The following FRMD6 variants were observed in gnomAD, a reference collection of about 807,000 sequenced individuals.
FRMD6 encodes FERM domain containing 6, also known as FERM domain-containing protein 6.
Under a neutral mutation model 73.2 loss-of-function variants are expected in FRMD6, and 37 were observed. The ratio of observed to expected loss-of-function variants is 0.51; its 90% confidence interval spans 0.39 to 0.66. The LOEUF (loss-of-function observed/expected upper bound fraction) is 0.66. Ranked by LOEUF, FRMD6 falls within the 30% of genes least tolerant of loss-of-function variation. FRMD6 has a pLI of 0.00. For missense variants in FRMD6, 714 were observed against 780.5 expected (o/e 0.91, Z 1.02); for synonymous variants, 273 against 282.2 (o/e 0.97, Z 0.33).
intron 2 of FRMD6, among the ~76,000 whole-genome samples, chr14:51,641,892 T>TCC (rs1264528191): frequency 6.6e-6 from 1 of 150,808 alleles, no homozygotes; most frequent in African/African-American, 2.4e-5. Context: ...CAAAAATACC[T>TCC]CCAGACATTG....
intron 1 of FRMD6, chr14:51,489,544 C>T (rs1478622006): frequency 6.6e-6 from 1 of 152,298 alleles, no homozygotes; most frequent in African/African-American, 2.4e-5. Flanking sequence ...TTTGATTTGT[C>T]TGCAAACCAG....
the FRMD6 span, among the ~76,000 whole-genome samples, chr14:51,422,217 A>G: frequency 6.6e-6 from 1 of 152,204 alleles, no homozygotes; most frequent in South Asian, 2.1e-4. Flanking sequence ...TCCGGTTGTT[A>G]TTTCACAAAA....
At chr14:51,651,468 C>A (rs1003906713), upstream of FRMD6, 7 of 152,280 alleles carry the variant, frequency 4.6e-5, no homozygotes, top group African/African-American at 1.4e-4. Flanking sequence ...GAGGGAGCGC[C>A]CCGAGGGAGT....
intron 2 of FRMD6, among the ~76,000 whole-genome samples, chr14:51,592,042 GA>G (rs1300495628): frequency 6.6e-6 from 1 of 152,040 alleles, no homozygotes; most frequent in Non-Finnish European, 1.5e-5. Flanking sequence ...TACTCCATAG[GA>G]AAAAAGTTAC....
At chr14:51,661,469 GT>G (rs1893216024) in intron 1 of FRMD6, among the ~76,000 whole-genome samples, 1 of 152,156 alleles carries the variant, frequency 6.6e-6, no homozygotes, top group Non-Finnish European at 1.5e-5. Flanking sequence ...ACTATGAGTT[GT>G]TTTTCTAATT....
At position 51,525,356 on chromosome 14, in the gene FRMD6, C is replaced by T. The variant is rs553463570; in HGVS notation, c.-210+35936C>T. Among the ~76,000 whole-genome samples the T allele has an allele frequency of 2.6e-5, 4 of 152,164 alleles. No individual in the cohort carries two copies. The South Asian group carries it at 8.3e-4, about 32-fold the overall frequency. On this transcript the variant is annotated intron_variant, in intron 1 of 14. Transcript: ENST00000356218. ...AGGTCTCTGCTCACTGCAACCTCCC[C>T]CTCCCGGGTTCAAGCGATTCCCCTG...
intron 2 of FRMD6, among the ~76,000 whole-genome samples, chr14:51,692,401 A>G (rs1258164052): frequency 2.0e-5 from 3 of 152,182 alleles, no homozygotes; most frequent in Non-Finnish European, 4.4e-5. Context: ...AAAAATATAC[A>G]TAATCTAGGA....
the FRMD6 span, among the ~76,000 whole-genome samples, chr14:51,434,685 G>T: frequency 6.6e-6 from 1 of 151,848 alleles, no homozygotes; most frequent in African/African-American, 2.4e-5. Flanking sequence ...ACCATCATTG[G>T]GCACTAAAAT....
upstream of FRMD6, among the ~76,000 whole-genome samples, chr14:51,484,827 T>C (rs760602956): frequency 1.1e-4 from 16 of 152,212 alleles, no homozygotes; most frequent in African/African-American, 2.9e-4. Context: ...CCAACTGCAA[T>C]GTCCATCACT....
At chr14:51,412,760 G>A in the FRMD6 span, among the ~76,000 whole-genome samples, 1 of 151,910 alleles carries the variant, frequency 6.6e-6, no homozygotes, top group African/African-American at 2.4e-5. Flanking sequence ...GCTGAGGCAG[G>A]AGAATGACAT....
chr14:51,706,160 C>G (rs1239581616), intron 6 of FRMD6, among the ~76,000 whole-genome samples: 1 of 152,232 alleles, frequency 6.6e-6, no homozygotes, highest in East Asian at 1.9e-4. Flanking sequence ...GTCCCATCAA[C>G]TGTAACACCT....
chr14:51,608,492 G>A (rs1402536108), intron 2 of FRMD6, among the ~76,000 whole-genome samples: 1 of 151,978 alleles, frequency 6.6e-6, no homozygotes, highest in Non-Finnish European at 1.5e-5. Flanking sequence ...CATTCCTAAG[G>A]AAAGATGAAA....
chr14:51,451,644 G>A, the FRMD6 span, among the ~76,000 whole-genome samples: 2 of 152,186 alleles, frequency 1.3e-5, no homozygotes, highest in African/African-American at 4.8e-5. Context: ...GCCTCCCAAA[G>A]TGCTGGAGTT....
chr14:51,412,620 G>A, the FRMD6 span, among the ~76,000 whole-genome samples: 1 of 152,094 alleles, frequency 6.6e-6, no homozygotes, highest in Non-Finnish European at 1.5e-5. Context: ...GGGAGGCCGA[G>A]GCGGGTGGAT....
At chr14:51,613,311 T>C (rs1029558887) in intron 2 of FRMD6, among the ~76,000 whole-genome samples, 2 of 152,110 alleles carry the variant, frequency 1.3e-5, no homozygotes, top group African/African-American at 4.8e-5. Flanking sequence ...TAATGATTGT[T>C]TGCATGTGTG....
chr14:51,646,202 C>T (rs1245306465), intron 2 of FRMD6, among the ~76,000 whole-genome samples: 12 of 151,092 alleles, frequency 7.9e-5, no homozygotes, highest in Admixed American at 2.0e-4. Flanking sequence ...CCTGTAGTCT[C>T]GGCTACTCGG....
At chr14:51,416,116 T>C in the FRMD6 span, among the ~76,000 whole-genome samples, 4 of 152,230 alleles carry the variant, frequency 2.6e-5, no homozygotes, top group African/African-American at 9.6e-5. Flanking sequence ...CCTGGATTCA[T>C]TGATTTTTTG....
chr14:51,579,071 T>C (rs770162722), intron 2 of FRMD6: 2 of 152,268 alleles, frequency 1.3e-5, no homozygotes, highest in Non-Finnish European at 2.9e-5. Flanking sequence ...CACTTCCCTT[T>C]GGAGAGTGCC....
At chr14:51,654,398 A>G (rs1892673707) in intron 1 of FRMD6, among the ~76,000 whole-genome samples, 1 of 151,992 alleles carries the variant, frequency 6.6e-6, no homozygotes, top group African/African-American at 2.4e-5. Flanking sequence ...GATGTAATAG[A>G]CTGCGTAGCC....
Sources: gnomAD v4.1 joint callset for allele counts (sites outside exome capture counted in the v4.1 genomes callset) on GRCh38, gnomAD v4.1.1 for gene constraint, MANE v1.5 for transcripts, NCBI Gene and HGNC (gene_info 2026-07-23, HGNC 2026-07-21) for gene names.